Variants in RBPJ observed in about 807,000 individuals in gnomAD.
RBPJ encodes recombining binding protein suppressor of hairless.
Under a neutral mutation model 67.8 loss-of-function variants are expected in RBPJ, and 9 were observed. That is an observed-to-expected ratio of 0.13 (90% confidence interval 0.08 to 0.23). RBPJ has a LOEUF of 0.23. Among genes scored for constraint, RBPJ ranks in the 10% least tolerant of loss-of-function variants. The probability of loss-of-function intolerance (pLI) is 1.00; values close to 1 mark genes in which losing one functional copy is unlikely to be tolerated. For missense variants in RBPJ, 305 were observed against 595.6 expected (o/e 0.51, Z 5.08); for synonymous variants, 198 against 203.3 (o/e 0.97, Z 0.22).
At chr4:26,248,227 G>T (rs1258913008) in intron 1 of RBPJ, among the ~76,000 whole-genome samples, 2 of 152,066 alleles carry the variant, frequency 1.3e-5, no homozygotes, top group African/African-American at 2.4e-5. Flanking sequence ...GGAGGTGGAG[G>T]TTGCAATGAG....
At chr4:26,357,661 A>T (rs116606241) in intron 1 of RBPJ, among the ~76,000 whole-genome samples, 1 of 152,120 alleles carries the variant, frequency 6.6e-6, no homozygotes, top group Non-Finnish European at 1.5e-5. Context: ...TGCAACTATC[A>T]CTACCATCCA....
At chr4:26,396,087 A>G (rs141644793) in intron 2 of RBPJ, among the ~76,000 whole-genome samples, 98 of 152,334 alleles carry the variant, frequency 6.4e-4, no homozygotes, top group African/African-American at 2.3e-3. Flanking sequence ...TAAAATATTC[A>G]TGTTTCAACC....
chr4:26,374,960 A>T (rs1396511838), intron 1 of RBPJ, among the ~76,000 whole-genome samples: 1 of 152,072 alleles, frequency 6.6e-6, no homozygotes, highest in Non-Finnish European at 1.5e-5. Context: ...GTAGTTTCTA[A>T]GCTGGTTTCC....
rs939050295 is a variant in RBPJ, at chr4:26,290,878, A to G, written c.-166-71568A>G. 2.0e-5 allele frequency among the ~76,000 whole-genome samples: 3 copies of G among 151,044 alleles called. 1 individual carries two copies. Among genetic ancestry groups the G allele is most frequent in the African/African-American group, 7.3e-5 (3 of 41,042 alleles). On this transcript the variant is annotated intron_variant, in intron 1 of 4. Transcript: ENST00000512351. ...GAAGAGAATCGTAAATGAAATACATAAAGATTAATAGCCTTTATTTATTTC... is the reference window on the plus strand; with the variant it reads ...GAAGAGAATCGTAAATGAAATACATGAAGATTAATAGCCTTTATTTATTTC...
chr4:26,148,797 G>A, the RBPJ span, among the ~76,000 whole-genome samples: 1 of 152,230 alleles, frequency 6.6e-6, no homozygotes, highest in Admixed American at 6.5e-5. Flanking sequence ...AAATGATTTG[G>A]AGTCCCAAAC....
intron 5 of RBPJ, among the ~76,000 whole-genome samples, chr4:26,422,133 C>T (rs1348660581): frequency 1.3e-5 from 2 of 151,930 alleles, no homozygotes; most frequent in Admixed American, 6.6e-5. Context: ...GGTGGTTAGA[C>T]ATAAAGACTT....
At chr4:26,247,076 A>G (rs1315510454) in intron 1 of RBPJ, among the ~76,000 whole-genome samples, 1 of 150,988 alleles carries the variant, frequency 6.6e-6, no homozygotes, top group Non-Finnish European at 1.5e-5. Context: ...AGGCTCAAGC[A>G]ATTAATATAC....
At chr4:26,176,660 C>G (rs1716804161) in intron 1 of RBPJ, among the ~76,000 whole-genome samples, 1 of 152,244 alleles carries the variant, frequency 6.6e-6, no homozygotes, top group Admixed American at 6.5e-5. Flanking sequence ...GCAGGCACTT[C>G]CCCACGTATA....
intron 2 of RBPJ, among the ~76,000 whole-genome samples, chr4:26,404,958 A>G (rs1694508706): frequency 6.6e-6 from 1 of 152,000 alleles, no homozygotes; most frequent in Admixed American, 6.6e-5. Context: ...ACATATCTCT[A>G]CTTGGATTAT....
chr4:26,298,306 G>C (rs1009077824), intron 1 of RBPJ, among the ~76,000 whole-genome samples: 1 of 152,158 alleles, frequency 6.6e-6, no homozygotes, highest in African/African-American at 2.4e-5. Context: ...ACATCCTGTG[G>C]TCTTGGAATT....
Position 26,246,978 on chromosome 4 carries a change from T to TTA in RBPJ, c.-167+83365_-167+83366insAT, listed in dbSNP as rs772987162. Among the ~76,000 whole-genome samples, 8 of 150,602 alleles carry TTA rather than the reference T, an allele frequency of 5.3e-5. No individual in the cohort carries two copies. The East Asian group carries it at 1.6e-3, about 29-fold the overall frequency. ...TATCTATGGAACATAATACGCTTTT[T>TTA]TTTTTTTTTTTTTTGAGACAGGGTC... On this transcript the variant is annotated intron_variant, in intron 1 of 4. Transcript: ENST00000512351.
chr4:26,431,180 A>C lies in RBPJ; in HGVS notation c.*173A>C, dbSNP rs1058022. 1 of 192,796 alleles carries C rather than the reference A, an allele frequency of 5.2e-6. No homozygotes were observed. Among genetic ancestry groups the C allele is most frequent in the East Asian group, 8.6e-5 (1 of 11,630 alleles). 11.9% of individuals were successfully genotyped at this position (192,796 alleles called of 1,614,324 possible). The stretch of plus-strand genomic sequence containing the variant: ...AGTGCTGATTTGAAATGCAGAAGCC[A>C]CAGTAAAAAAAAAAAAAAAAAAAAA... On this transcript the variant is annotated 3_prime_UTR_variant, in exon 11 of 11. Transcript: ENST00000355476.
At chr4:26,347,712 A>G (rs1013213877) in intron 1 of RBPJ, among the ~76,000 whole-genome samples, 1 of 152,112 alleles carries the variant, frequency 6.6e-6, no homozygotes, top group Non-Finnish European at 1.5e-5. Context: ...AATAGGCTCG[A>G]TAGGTTTAGA....
chr4:26,191,151 C>CAAAAAAAAA (rs1186422694), intron 1 of RBPJ, among the ~76,000 whole-genome samples: 1 of 10,516 alleles, frequency 9.5e-5, no homozygotes, highest in African/African-American at 3.9e-4. Flanking sequence ...GACCCTGTCT[C>CAAAAAAAAA]AAAAAAAAAA....
intron 2 of RBPJ, among the ~76,000 whole-genome samples, chr4:26,400,347 T>C (rs1560324712): frequency 6.6e-6 from 1 of 152,230 alleles, no homozygotes; most frequent in Non-Finnish European, 1.5e-5. Flanking sequence ...GGGTAAAAGA[T>C]AGTGATGCTG....
chr4:26,324,360 G>A (rs1443062713), intron 1 of RBPJ, among the ~76,000 whole-genome samples: 1 of 151,572 alleles, frequency 6.6e-6, no homozygotes, highest in Non-Finnish European at 1.5e-5. Context: ...TATAGGGAAA[G>A]GGACAAATAA....
rs185690368 is a variant in RBPJ at position 26,253,271 on chromosome 4, T to C, written c.-167+89657T>C. On this transcript the variant is annotated intron_variant, in intron 1 of 4. Coordinates refer to the RBPJ transcript ENST00000512351. ...AAACAAAATTAAAACTCTTAAACTT[T>C]AACTGCATTTTATCAGATATCTTAA... is the stretch of plus-strand genomic sequence containing the variant. 1.6e-3 allele frequency among the ~76,000 whole-genome samples: 245 copies of C among 151,678 alleles called. 2 individuals are homozygous for C. Among genetic ancestry groups the C allele is most frequent in the Non-Finnish European group, 7.8e-4 (53 of 67,882 alleles).
intron 1 of RBPJ, among the ~76,000 whole-genome samples, chr4:26,190,552 T>C (rs989852465): frequency 6.6e-6 from 1 of 152,164 alleles, no homozygotes; most frequent in South Asian, 2.1e-4. Flanking sequence ...AAAGGACTTA[T>C]GGAAAGGGAG....
At chr4:26,127,647 A>C in the RBPJ span, among the ~76,000 whole-genome samples, 1 of 152,236 alleles carries the variant, frequency 6.6e-6, no homozygotes, top group Admixed American at 6.5e-5. Context: ...TATAGGGAAC[A>C]AAACACCTAA....
Sources: allele counts gnomAD v4.1 joint callset (sites outside exome capture counted in the v4.1 genomes callset), GRCh38; gene constraint gnomAD v4.1.1; transcripts MANE v1.5; gene names NCBI Gene and HGNC (gene_info 2026-07-23, HGNC 2026-07-21).